The following RYR2 variants were observed in gnomAD, a reference collection of about 807,000 sequenced individuals.
RYR2 encodes cardiac muscle ryanodine receptor-calcium release channel.
RYR2 carries 227 observed loss-of-function variants against 601.1 expected under a neutral mutation model. The ratio of observed to expected loss-of-function variants is 0.38; its 90% CI spans 0.34 to 0.42. RYR2 has a LOEUF of 0.42. RYR2 is among the 10% of genes least tolerant of loss of function. RYR2 has a pLI of 1.00. For synonymous variants in RYR2, 2,223 were observed against 2,175.1 expected, an observed-to-expected ratio of 1.02 and a Z score of -0.61; for missense variants, 4,646 against 6,156.5, an observed-to-expected ratio of 0.75 and a Z score of 8.21.
At chr1:237,227,286 C>T (rs946983375) in intron 1 of RYR2, among the ~76,000 whole-genome samples, 26 of 152,096 alleles carry the variant, frequency 1.7e-4, no homozygotes, top group Admixed American at 1.4e-3. Context: ...TATGACTATG[C>T]TAATTAGCTT....
intron 79 of RYR2, among the ~76,000 whole-genome samples, chr1:237,736,613 TGTTTGATGAA>T (rs1691173710): frequency 1.3e-5 from 2 of 151,940 alleles, no homozygotes; most frequent in Non-Finnish European, 2.9e-5. Context: ...GACACCTAAG[TGTTTGATGAA>T]GTCTATAAAG....
intron 17 of RYR2, among the ~76,000 whole-genome samples, chr1:237,470,590 A>C (rs1224210507): frequency 6.6e-6 from 1 of 152,188 alleles, no homozygotes; most frequent in African/African-American, 2.4e-5. Context: ...GAGGGTGTTA[A>C]GAGTATCATA....
chr1:237,631,613 ATTTTTTTTTTTTTTTTTTTT>A (rs556269614), intron 42 of RYR2, 72 bp downstream of exon 42: 31 of 208,592 alleles, frequency 1.5e-4, no homozygotes, highest in South Asian at 1.2e-3. Flanking sequence ...TAGAATGCAG[ATTTTTTTTTTTTTTTTTTTT>A]TTTTTTTTTT....
At chr1:237,576,986 T>G (rs1024780541) in intron 29 of RYR2, among the ~76,000 whole-genome samples, 5 of 152,194 alleles carry the variant, frequency 3.3e-5, no homozygotes, top group Non-Finnish European at 1.5e-5. Flanking sequence ...AGTACACCCA[T>G]AGAACCTCTT....
chr1:237,127,900 A>G (rs1400872896), intron 1 of RYR2, among the ~76,000 whole-genome samples: 1 of 147,906 alleles, frequency 6.8e-6, no homozygotes, highest in Non-Finnish European at 1.5e-5. Context: ...CACTTTCCAG[A>G]CTGGGCAGCC....
At chr1:237,452,540 TAAC>T (rs1271532326) in intron 14 of RYR2, among the ~76,000 whole-genome samples, 1 of 98,232 alleles carries the variant, frequency 1.0e-5, no homozygotes, top group Non-Finnish European at 2.4e-5. Flanking sequence ...ATATAATATA[TAAC>T]AACATATATC....
At chr1:237,179,602 ATTC>A (rs748808983) in intron 1 of RYR2, among the ~76,000 whole-genome samples, 2 of 152,050 alleles carry the variant, frequency 1.3e-5, no homozygotes, top group Non-Finnish European at 2.9e-5. Context: ...CTGAGATGGA[ATTC>A]TTCTTGTTTT....
At chr1:237,321,938 C>T (rs1238610253) in intron 2 of RYR2, among the ~76,000 whole-genome samples, 1 of 152,092 alleles carries the variant, frequency 6.6e-6, no homozygotes, top group Non-Finnish European at 1.5e-5. Context: ...CAGTAAGTAC[C>T]TATAAGGAAG....
chr1:237,085,493 A>G (rs760138086), intron 1 of RYR2, among the ~76,000 whole-genome samples: 1 of 152,214 alleles, frequency 6.6e-6, no homozygotes, highest in Non-Finnish European at 1.5e-5. Flanking sequence ...CTGGAGGAGG[A>G]GAAGGGAAGC....
chr1:237,438,261 A>T (rs909280081), intron 12 of RYR2, among the ~76,000 whole-genome samples: 1 of 152,136 alleles, frequency 6.6e-6, no homozygotes, highest in Non-Finnish European at 1.5e-5. Flanking sequence ...CTCGTCTGCT[A>T]GTTGTAGGAT....
At chr1:237,670,296 GGGAGAGGGAGACT>G in intron 58 of RYR2, among the ~76,000 whole-genome samples, 1 of 145,572 alleles carries the variant, frequency 6.9e-6, no homozygotes, top group South Asian at 2.2e-4. Flanking sequence ...GGAGACTGTG[GGGAGAGGGAGACT>G]GGAGAGGGAG....
intron 70 of RYR2, among the ~76,000 whole-genome samples, chr1:237,711,446 T>C (rs1309397152): frequency 6.6e-6 from 1 of 152,222 alleles, no homozygotes; most frequent in Non-Finnish European, 1.5e-5. Context: ...TTTCACCAGC[T>C]AACCAGGCGT....
chr1:237,204,226 C>T (rs1681525070), intron 1 of RYR2, among the ~76,000 whole-genome samples: 1 of 152,146 alleles, frequency 6.6e-6, no homozygotes, highest in Non-Finnish European at 1.5e-5. Context: ...TCAGGCTGAT[C>T]TCGAACACCT....
At chr1:237,065,726 A>G (rs1271834703) in intron 1 of RYR2, among the ~76,000 whole-genome samples, 2 of 152,208 alleles carry the variant, frequency 1.3e-5, no homozygotes, top group African/African-American at 2.4e-5. Flanking sequence ...TGCTGTAAAG[A>G]AATATCTGAG....
At chr1:237,649,360 T>C (rs929587504) in intron 49 of RYR2, among the ~76,000 whole-genome samples, 3 of 152,220 alleles carry the variant, frequency 2.0e-5, no homozygotes, top group Non-Finnish European at 4.4e-5. Context: ...TTTCTTTGTT[T>C]TGTGTATTCA....
intron 71 of RYR2, among the ~76,000 whole-genome samples, chr1:237,716,407 A>G (rs1409153327): frequency 6.6e-6 from 1 of 152,130 alleles, no homozygotes; most frequent in Non-Finnish European, 1.5e-5. Flanking sequence ...TTACTGCTAC[A>G]AAATATTCAA....
intron 1 of RYR2, among the ~76,000 whole-genome samples, chr1:237,253,015 A>C (rs1306004206): frequency 2.0e-5 from 3 of 152,000 alleles, no homozygotes; most frequent in South Asian, 2.1e-4. Flanking sequence ...AAATACAAAA[A>C]TGAGCCGGGC....
intron 1 of RYR2, among the ~76,000 whole-genome samples, chr1:237,155,584 A>C (rs1037229761): frequency 2.6e-5 from 4 of 152,238 alleles, no homozygotes; most frequent in African/African-American, 9.6e-5. Context: ...TTGTATTGGA[A>C]GACAAGTTAT....
chr1:237,075,335 G>C (rs12093641), intron 1 of RYR2, among the ~76,000 whole-genome samples: 2 of 151,404 alleles, frequency 1.3e-5, no homozygotes, highest in East Asian at 2.0e-4. Context: ...CGCAGAAGAC[G>C]GGTGATTTCT....
Sources: gnomAD v4.1 joint callset for allele counts (sites outside exome capture counted in the v4.1 genomes callset) on GRCh38, gnomAD v4.1.1 for gene constraint, MANE v1.5 for transcripts, NCBI Gene and HGNC (gene_info 2026-07-23, HGNC 2026-07-21) for gene names.